Variants in GVQW3 observed in about 807,000 individuals in gnomAD.
The protein encoded by GVQW3 is GVQW motif containing 3, also known as protein GVQW3.
In GVQW3, 7 loss-of-function variants were observed where a neutral mutation model predicts 12.5. The ratio of observed to expected loss-of-function variants is 0.56; its 90% CI spans 0.32 to 1.05. GVQW3 has a LOEUF of 1.05. Among genes scored for constraint, GVQW3 ranks in the 50% least tolerant of loss-of-function variants. The pLI is 0.04. For synonymous variants in GVQW3, 71 were observed against 67.2 expected (o/e 1.06, Z -0.28); for missense variants, 188 against 190.8 (o/e 0.99, Z 0.09).
rs1946769998 is a variant in GVQW3 at position 76,381,695 on chromosome 11, C to T, written c.-134C>T. On this transcript the variant is annotated 5_prime_UTR_variant, in exon 1 of 2. Coordinates refer to ENST00000529331, the MANE Select transcript of GVQW3 (RefSeq NM_001347885.2). ...GGACAAAAATTCATAAAAGCAATTA[C>T]TCTTTCCCGGCGAGGCTTCTAGAAG... 2 of 839,364 alleles carry T rather than the reference C, an allele frequency of 2.4e-6. No homozygotes were observed. Among genetic ancestry groups the T allele is most frequent in the Non-Finnish European group, 3.5e-6 (2 of 566,722 alleles). The allele number at this position is 839,364 out of a possible 1,614,324, so 52.0% of individuals were successfully genotyped here. A position where few individuals can be genotyped will look rare whatever the true frequency, so the allele number is the denominator to read the frequency against.
rs866988528 is a variant in GVQW3 at position 76,403,821 on chromosome 11, C to T, written c.*63C>T. 2.0e-5 allele frequency: 13 copies of T among 661,448 alleles called. No individual in the cohort carries two copies. The highest frequency in any genetic ancestry group is 1.1e-4 in the African/African-American group (6 of 56,052). 41.0% of individuals were successfully genotyped at this position (661,448 alleles called of 1,614,324 possible). ...TAAATTCCAGTCTGAGTCCACAGGCCGAAGAGCGAGGAGTGCTGATGTACA... is the reference window on the plus strand; with the variant it reads ...TAAATTCCAGTCTGAGTCCACAGGCTGAAGAGCGAGGAGTGCTGATGTACA... On this transcript the variant is annotated 3_prime_UTR_variant, in exon 2 of 2. Coordinates refer to ENST00000529331, the MANE Select transcript of GVQW3 (RefSeq NM_001347885.2).
At chr11:76,397,143 AC>A (rs1175129105) in intron 1 of GVQW3, among the ~76,000 whole-genome samples, 1 of 151,482 alleles carries the variant, frequency 6.6e-6, no homozygotes, top group Non-Finnish European at 1.5e-5. Context: ...AGCTGGGACT[AC>A]AGGTGCGCAC....
downstream of GVQW3, chr11:76,412,398 G>A (rs1454522897): frequency 6.6e-6 from 1 of 152,242 alleles, no homozygotes; most frequent in East Asian, 1.9e-4. Flanking sequence ...AGCTCTGTCA[G>A]GAAGAACGAG....
At position 76,385,789 on chromosome 11, in the gene GVQW3, T is replaced by G. The variant is rs111445027; in HGVS notation, c.465+3496T>G. Among the ~76,000 whole-genome samples the G allele has an allele frequency of 5.5e-3, 833 of 152,280 alleles. 8 individuals carry two copies. Among genetic ancestry groups the G allele is most frequent in the African/African-American group, 0.02 (812 of 41,542 alleles). On this transcript the variant is annotated intron_variant, in intron 1 of 1. Coordinates refer to ENST00000529331, the MANE Select transcript of GVQW3 (RefSeq NM_001347885.2). ...GGGGAATTATGTGTTGATTTTGTTTTTTCTAAGGGACATGGGCACCTTAGC... is the reference window on the plus strand; with the variant it reads ...GGGGAATTATGTGTTGATTTTGTTTGTTCTAAGGGACATGGGCACCTTAGC...
chr11:76,404,722 G>A lies in GVQW3; in HGVS notation c.*964G>A, dbSNP rs1947022839. Reference sequence around the variant, plus strand: ...GGACTTACCTGTTGAGTCCTGCTGGGTTTGGGCAATGTCTCAGCAGAGACT... The same window carrying A: ...GGACTTACCTGTTGAGTCCTGCTGGATTTGGGCAATGTCTCAGCAGAGACT... On this transcript the variant is annotated 3_prime_UTR_variant, in exon 2 of 2. Transcript: ENST00000529331. 6.6e-6 allele frequency: 1 copy of A among 152,300 alleles called. No individual in the cohort carries two copies. The highest frequency in any genetic ancestry group is 1.5e-5 in the Non-Finnish European group (1 of 68,096). The allele number at this position is 152,300 out of a possible 1,614,324, so 9.4% of individuals were successfully genotyped here. A position where few individuals can be genotyped will look rare whatever the true frequency, so the allele number is the denominator to read the frequency against.
In GVQW3 at chr11:76,382,264, A is replaced by G. The variant is rs1051623639; in HGVS notation, c.436A>G (p.Arg146Gly). 38 of 1,532,754 alleles carry G rather than the reference A, an allele frequency of 2.5e-5. No homozygotes were observed. The highest frequency in any genetic ancestry group is 3.2e-5 in the Non-Finnish European group (37 of 1,144,156). The allele number at this position is 1,532,754 out of a possible 1,614,324, so 94.9% of individuals were successfully genotyped here. ...DFRSDLSKET[R>G]KNSSCLRKKR... ...TCGGTCCGATCTTTCAAAGGAAACT[A>G]GGAAAAATAGCTCATGTTTGAGGAA... The change falls in exon 1 of 2, where the codon AGG becomes GGG. Residue 146 changes from arginine to glycine, a missense_variant. Physicochemically the swap from Arg to Gly is moderately radical, Grantham distance 125. Transcript: ENST00000529331.
chr11:76,394,694 T>G (rs11236740), intron 1 of GVQW3, among the ~76,000 whole-genome samples: 38,675 of 152,098 alleles, frequency 0.25, 5,159 homozygotes, highest in Admixed American at 0.36. Context: ...TGCTTTCTTT[T>G]GGGTATATAC....
rs925756151 is a variant in GVQW3 at position 76,393,284 on chromosome 11, C to T, written c.466-10376C>T. On this transcript the variant is annotated intron_variant, in intron 1 of 1. Coordinates refer to ENST00000529331, the MANE Select transcript of GVQW3 (RefSeq NM_001347885.2). ...TGAACAGAATGTTCCTGTAGGCTCA[C>T]CTTAGGGATGGGCAGTATCTACCAC... Among the ~76,000 whole-genome samples, 3 of 152,360 alleles carry T rather than the reference C, an allele frequency of 2.0e-5. No homozygotes were observed. The East Asian group carries it at 5.8e-4, about 29-fold the overall frequency.
At chr11:76,397,726 A>C (rs761699055) in intron 1 of GVQW3, among the ~76,000 whole-genome samples, 7 of 152,372 alleles carry the variant, frequency 4.6e-5, no homozygotes, top group Middle Eastern at 3.4e-3. Context: ...ATACAAATAA[A>C]AGTTGCATGG....
At chr11:76,399,534 C>T (rs956189149) in intron 1 of GVQW3, among the ~76,000 whole-genome samples, 4 of 152,192 alleles carry the variant, frequency 2.6e-5, no homozygotes, top group Admixed American at 2.6e-4. Flanking sequence ...GTCTGGACCA[C>T]GGGGTGCCCA....
downstream of GVQW3, among the ~76,000 whole-genome samples, chr11:76,410,465 C>T (rs1209021872): frequency 6.6e-6 from 1 of 151,586 alleles, no homozygotes; most frequent in East Asian, 1.9e-4. Context: ...TACTATATTC[C>T]TTATGACACC....
At chr11:76,389,606 G>T (rs760579874) in intron 1 of GVQW3, 1 of 152,132 alleles carries the variant, frequency 6.6e-6, no homozygotes. Context: ...GTCGTAGGTC[G>T]GTAAAAGACC....
chr11:76,381,905 A>G lies in GVQW3; in HGVS notation c.77A>G (p.His26Arg), dbSNP rs747107958. ...TTGAACAAGTCTGCAAGTGAGACCC[A>G]CCATCTTTTAAAAGAAGCTTATGGG... ...VKLNKSASETHHLLKEAYGDE... is the reference protein window; with the variant it reads ...VKLNKSASETRHLLKEAYGDE... The change falls in exon 1 of 2, where the codon CAC (histidine) becomes CGC (arginine). Residue 26 changes from histidine (H) to arginine (R), a missense_variant. Transcript: ENST00000529331. 1 of 1,536,504 alleles carries G rather than the reference A, an allele frequency of 6.5e-7. No individual in the cohort carries two copies. The highest frequency in any genetic ancestry group is 1.2e-5 in the South Asian group (1 of 84,050).
chr11:76,410,228 C>T (rs991130706), downstream of GVQW3, among the ~76,000 whole-genome samples: 6 of 152,174 alleles, frequency 3.9e-5, no homozygotes, highest in African/African-American at 1.4e-4. Context: ...GCACTCCAGC[C>T]TCCCAAAGAG....
At chr11:76,387,333 G>A (rs2134540061) in intron 1 of GVQW3, among the ~76,000 whole-genome samples, 1 of 152,150 alleles carries the variant, frequency 6.6e-6, no homozygotes, top group South Asian at 2.1e-4. Context: ...CTACCCGAGA[G>A]GCTGAGGCAG....
At chr11:76,395,843 G>A (rs974403087) in intron 1 of GVQW3, among the ~76,000 whole-genome samples, 1 of 152,050 alleles carries the variant, frequency 6.6e-6, no homozygotes, top group African/African-American at 2.4e-5. Flanking sequence ...TTTGGAAATA[G>A]CTTTTGGCTA....
intron 1 of GVQW3, chr11:76,395,065 G>T (rs191980277): frequency 6.6e-5 from 10 of 152,174 alleles, no homozygotes; most frequent in African/African-American, 2.2e-4. Flanking sequence ...TAAACCTTGC[G>T]TGGAACTGCT....
chr11:76,394,299 G>A (rs1946920411), intron 1 of GVQW3, among the ~76,000 whole-genome samples: 1 of 151,852 alleles, frequency 6.6e-6, no homozygotes, highest in South Asian at 2.1e-4. Context: ...ACTATTTTTT[G>A]GTACCCATTA....
At position 76,405,134 on chromosome 11, in the gene GVQW3, C is replaced by T. The variant is rs1947027316; in HGVS notation, c.*1376C>T. On this transcript the variant is annotated 3_prime_UTR_variant, in exon 2 of 2. Coordinates refer to ENST00000529331, the MANE Select transcript of GVQW3 (RefSeq NM_001347885.2). ...GATGGCTGTGACACCCTGCCCTCAC[C>T]TCCAAGTTCAAGGCAGGCAGGGGTT... 1 of 152,132 alleles carries T rather than the reference C, an allele frequency of 6.6e-6. No homozygotes were observed. Among genetic ancestry groups the T allele is most frequent in the Non-Finnish European group, 1.5e-5 (1 of 68,026 alleles). 9.4% of individuals were successfully genotyped at this position (152,132 alleles called of 1,614,324 possible). A position where few individuals can be genotyped will look rare whatever the true frequency, so the allele number is the denominator to read the frequency against.
Sources: gnomAD v4.1 joint callset for allele counts (sites outside exome capture counted in the v4.1 genomes callset) on GRCh38, gnomAD v4.1.1 for gene constraint, MANE v1.5 for transcripts, NCBI Gene and HGNC (gene_info 2026-07-23, HGNC 2026-07-21) for gene names.